VPS13B: variants seen among roughly 807,000 people sequenced by gnomAD.
VPS13B encodes vacuolar protein sorting 13 homolog B.
Under a neutral mutation model 426.4 loss-of-function variants are expected in VPS13B, and 285 were observed. The ratio of observed to expected loss-of-function variants is 0.67; its 90% CI spans 0.61 to 0.74. VPS13B has a LOEUF of 0.74. Ranked by LOEUF, VPS13B falls within the 30% of genes least tolerant of loss-of-function variation. The pLI, the probability that VPS13B is intolerant of heterozygous loss-of-function variation, is 0.00. For missense variants in VPS13B, 4,537 were observed against 4,782.6 expected, an observed-to-expected ratio of 0.95 and a Z score of 1.51; for synonymous variants, 1,676 against 1,676.4, an observed-to-expected ratio of 1.00 and a Z score of 0.01.
At chr8:99,331,970 G>A (rs1320973000) in intron 19 of VPS13B, among the ~76,000 whole-genome samples, 1 of 151,596 alleles carries the variant, frequency 6.6e-6, no homozygotes, top group East Asian at 1.9e-4. Context: ...TTTTGTTTAA[G>A]GAATTTTTAA....
chr8:99,019,915 T>C (rs1841805056), intron 2 of VPS13B, among the ~76,000 whole-genome samples: 1 of 152,232 alleles, frequency 6.6e-6, no homozygotes, highest in Admixed American at 6.5e-5. Flanking sequence ...CTTTCATCTT[T>C]TGGCTATAAT....
intron 4 of VPS13B, 53 bp downstream of exon 4, chr8:99,096,485 G>A (rs1216752280): frequency 2.5e-6 from 4 of 1,608,378 alleles, no homozygotes; most frequent in Admixed American, 1.7e-5. Context: ...GCCGGGCATG[G>A]TGGCTCATGC....
At chr8:99,729,864 G>C (rs551534036) in intron 39 of VPS13B, among the ~76,000 whole-genome samples, 1 of 152,270 alleles carries the variant, frequency 6.6e-6, no homozygotes, top group East Asian at 1.9e-4. Flanking sequence ...ATCCAATAAA[G>C]TAGAAACTAG....
chr8:99,134,182 G>T (rs1384468139), intron 8 of VPS13B, among the ~76,000 whole-genome samples: 1 of 152,106 alleles, frequency 6.6e-6, no homozygotes, highest in African/African-American at 2.4e-5. Flanking sequence ...ACTAGAAAGA[G>T]CCTGTTTTAT....
At chr8:99,730,771 C>G (rs1332069464) in intron 39 of VPS13B, among the ~76,000 whole-genome samples, 3 of 151,456 alleles carry the variant, frequency 2.0e-5, no homozygotes, top group African/African-American at 4.9e-5. Flanking sequence ...ACAGGTACCT[C>G]CTGAAGGGTA....
chr8:99,685,894 T>C (rs1435914501), intron 35 of VPS13B, among the ~76,000 whole-genome samples: 1 of 152,178 alleles, frequency 6.6e-6, no homozygotes, highest in Non-Finnish European at 1.5e-5. Flanking sequence ...CCTGGATGGT[T>C]TTCATGCTTG....
chr8:99,102,990 T>C lies in VPS13B; in HGVS notation c.450T>C (p.Asn150=), dbSNP rs746257136. The change falls in exon 5 of 62, where the codon AAT becomes AAC. Residue 150 remains asparagine, a synonymous_variant. Transcript: ENST00000357162. Reference sequence around the variant, plus strand: ...GTCTGATTAGACGAGTTGTAAATAATGTAAACATTGTGATAAATAATCTCA... The same window carrying C: ...GTCTGATTAGACGAGTTGTAAATAACGTAAACATTGTGATAAATAATCTCA... ...VQSLIRRVVN[N]VNIVINNLIL... is the part of the protein sequence containing the mutation. The C allele has an allele frequency of 3.2e-5, 51 of 1,612,234 alleles. No individual in the cohort carries two copies. In the East Asian group the frequency reaches 1.1e-3, roughly 36 times the overall value.
At chr8:99,330,874 C>T (rs1188265698) in intron 19 of VPS13B, among the ~76,000 whole-genome samples, 1 of 151,360 alleles carries the variant, frequency 6.6e-6, no homozygotes, top group Non-Finnish European at 1.5e-5. Flanking sequence ...TTCTTTTGTT[C>T]CCCCTTGTCT....
chr8:99,595,341 T>C (rs996773159), intron 33 of VPS13B, among the ~76,000 whole-genome samples: 3 of 151,908 alleles, frequency 2.0e-5, no homozygotes, highest in African/African-American at 7.3e-5. Flanking sequence ...AGTCAATTGA[T>C]TTTTGACAAG....
chr8:99,844,629 C>T (rs570270572), intron 54 of VPS13B, among the ~76,000 whole-genome samples: 6 of 152,290 alleles, frequency 3.9e-5, no homozygotes, highest in South Asian at 4.1e-4. Context: ...CTCAGCCTCC[C>T]GAAGTGCTAA....
At chr8:99,089,909 A>C (rs1846050081) in intron 3 of VPS13B, among the ~76,000 whole-genome samples, 2 of 152,290 alleles carry the variant, frequency 1.3e-5, no homozygotes, top group Admixed American at 1.3e-4. Context: ...GTGATCTGTC[A>C]TGTGATGCAA....
At position 99,408,079 on chromosome 8, in the gene VPS13B, G is replaced by T. The variant is rs530922415; in HGVS notation, c.3082+16375G>T. Among the ~76,000 whole-genome samples, 11 of 152,186 alleles carry T rather than the reference G, an allele frequency of 7.2e-5. No homozygotes were observed. The South Asian group carries it at 2.3e-3, about 32-fold the overall frequency. ...ACTGGGAAGAGGGATGTAAGAGGAAGTAAAAAAAGACAAGAGGAAGCCAGA... is the reference window on the plus strand; with the variant it reads ...ACTGGGAAGAGGGATGTAAGAGGAATTAAAAAAAGACAAGAGGAAGCCAGA... On this transcript the variant is annotated intron_variant, in intron 21 of 61. Transcript: ENST00000357162.
At chr8:99,777,435 C>T (rs1453426841) in intron 41 of VPS13B, among the ~76,000 whole-genome samples, 1 of 152,098 alleles carries the variant, frequency 6.6e-6, no homozygotes, top group Non-Finnish European at 1.5e-5. Context: ...CAGGGAAACT[C>T]GTTTTTTTAT....
intron 39 of VPS13B, among the ~76,000 whole-genome samples, chr8:99,754,922 G>C (rs1384406547): frequency 6.6e-6 from 1 of 152,106 alleles, no homozygotes; most frequent in Non-Finnish European, 1.5e-5. Context: ...ACCTAGGGTT[G>C]TATGTCAAAA....
intron 14 of VPS13B, among the ~76,000 whole-genome samples, chr8:99,154,480 A>G (rs1811247752): frequency 6.6e-6 from 1 of 152,156 alleles, no homozygotes; most frequent in Admixed American, 6.6e-5. Context: ...AAAGGGAAAA[A>G]TGCTAACAAG....
chr8:99,077,234 G>A (rs1406178823), intron 3 of VPS13B, among the ~76,000 whole-genome samples: 2 of 151,692 alleles, frequency 1.3e-5, no homozygotes, highest in Non-Finnish European at 2.9e-5. Context: ...GTGCAATGGC[G>A]CGATCTCAGC....
At chr8:99,264,568 G>T (rs927358366) in intron 17 of VPS13B, among the ~76,000 whole-genome samples, 3 of 152,088 alleles carry the variant, frequency 2.0e-5, no homozygotes, top group Middle Eastern at 3.4e-3. Flanking sequence ...CTTGCTTTTG[G>T]CATTTCTGTT....
At chr8:99,498,643 ATTTATACT>A (rs1821060504) in intron 25 of VPS13B, among the ~76,000 whole-genome samples, 1 of 152,170 alleles carries the variant, frequency 6.6e-6, no homozygotes. Flanking sequence ...TCCTTAGATG[ATTTATACT>A]TTAAACTATG....
chr8:99,778,336 G>T (rs927722054), intron 41 of VPS13B, among the ~76,000 whole-genome samples: 2 of 151,352 alleles, frequency 1.3e-5, no homozygotes, highest in African/African-American at 2.4e-5. Flanking sequence ...TTTTTGTTTT[G>T]GTTTTGAGAT....
Sources: gnomAD v4.1 joint callset for allele counts (sites outside exome capture counted in the v4.1 genomes callset) on GRCh38, gnomAD v4.1.1 for gene constraint, MANE v1.5 for transcripts, NCBI Gene and HGNC (gene_info 2026-07-23, HGNC 2026-07-21) for gene names.